The following DPF3 variants were observed in gnomAD, a reference collection of about 807,000 sequenced individuals.
DPF3 encodes double PHD fingers 3.
A neutral mutation model predicts 56.8 loss-of-function variants in DPF3; 18 were observed. That is an observed-to-expected ratio of 0.32 (90% CI 0.22 to 0.47). DPF3 has a LOEUF of 0.47. Ranked by LOEUF, DPF3 falls within the 20% of genes least tolerant of loss-of-function variation. DPF3 has a pLI of 1.00. For synonymous variants in DPF3, 188 were observed against 180.2 expected (o/e 1.04, Z -0.35); for missense variants, 403 against 488.8 (o/e 0.82, Z 1.65).
intron 6 of DPF3, among the ~76,000 whole-genome samples, chr14:72,703,176 C>T (rs1029259052): frequency 2.6e-5 from 4 of 152,194 alleles, no homozygotes; most frequent in African/African-American, 9.7e-5. Context: ...CCACCCCACC[C>T]TGCACGATTG....
intron 5 of DPF3, among the ~76,000 whole-genome samples, chr14:72,718,483 C>T (rs887713877): frequency 6.6e-6 from 1 of 152,198 alleles, no homozygotes; most frequent in Non-Finnish European, 1.5e-5. Flanking sequence ...CTCTCACAGG[C>T]ATCCAGTGGA....
chr14:72,788,417 A>AGAGGAG (rs757506580), intron 1 of DPF3, among the ~76,000 whole-genome samples: 30 of 151,910 alleles, frequency 2.0e-4, no homozygotes, highest in Non-Finnish European at 3.2e-4. Context: ...AGGAAGGGGA[A>AGAGGAG]GAGGAGGAGG....
chr14:72,753,763 C>T lies in DPF3; in HGVS notation c.194-392G>A, dbSNP rs146224114. Among the ~76,000 whole-genome samples, 525 of 152,264 alleles carry T rather than the reference C, an allele frequency of 3.4e-3. 6 individuals carry two copies. The highest frequency in any genetic ancestry group is 0.012 in the African/African-American group (493 of 41,552). The stretch of plus-strand genomic sequence containing the variant: ...CAGGTTAAGCAGGTTCCCTTCAAAA[C>T]GGAGCAGCAGTCAGTTGGCCTACTG... On this transcript the variant is annotated intron_variant, in intron 2 of 10. Coordinates refer to ENST00000556509, the MANE Select transcript of DPF3 (RefSeq NM_001280542.3).
At chr14:72,692,815 T>C (rs994608782) in intron 7 of DPF3, among the ~76,000 whole-genome samples, 10 of 152,174 alleles carry the variant, frequency 6.6e-5, no homozygotes, top group Non-Finnish European at 1.5e-4. Flanking sequence ...GGACTTTCTC[T>C]TCTGCTTAAC....
At chr14:72,688,315 GT>G (rs544261862) in intron 7 of DPF3, among the ~76,000 whole-genome samples, 1 of 120,846 alleles carries the variant, frequency 8.3e-6, no homozygotes, top group Non-Finnish European at 1.7e-5. Flanking sequence ...GGGTGGGTGG[GT>G]GGGTGGGTGG....
At chr14:72,846,007 C>G (rs955470597) in intron 1 of DPF3, among the ~76,000 whole-genome samples, 2 of 152,218 alleles carry the variant, frequency 1.3e-5, no homozygotes, top group African/African-American at 4.8e-5. Flanking sequence ...TAAAATTCTC[C>G]CCAGCTCCCT....
intron 1 of DPF3, among the ~76,000 whole-genome samples, chr14:72,874,043 G>A (rs376908580): frequency 6.8e-6 from 1 of 146,180 alleles, no homozygotes; most frequent in East Asian, 2.0e-4. Flanking sequence ...TGCATGTTGT[G>A]CACATGTACC....
At chr14:72,885,355 C>T (rs1380403415) in intron 1 of DPF3, among the ~76,000 whole-genome samples, 1 of 144,210 alleles carries the variant, frequency 6.9e-6, no homozygotes, top group East Asian at 2.1e-4. Flanking sequence ...AGAAATGTAG[C>T]CGCTAATTTT....
intron 1 of DPF3, among the ~76,000 whole-genome samples, chr14:72,788,043 CT>C (rs2051059390): frequency 6.6e-6 from 1 of 152,214 alleles, no homozygotes; most frequent in Non-Finnish European, 1.5e-5. Flanking sequence ...CAACAGGTGC[CT>C]AACTGCCTGG....
At chr14:72,619,834 G>A in intron 10 of DPF3, 69 bp downstream of exon 10, 1 of 1,388,828 alleles carries the variant, frequency 7.2e-7, no homozygotes, top group South Asian at 1.4e-5. Flanking sequence ...GTACCATAGT[G>A]AGAGCTCAGT....
intron 8 of DPF3, among the ~76,000 whole-genome samples, chr14:72,659,588 G>A (rs1005103453): frequency 1.3e-5 from 2 of 152,112 alleles, no homozygotes; most frequent in Non-Finnish European, 2.9e-5. Context: ...AAGAAAGCCC[G>A]AGTCATGAGG....
At chr14:72,806,948 A>C (rs1030946432) in intron 1 of DPF3, 1 of 152,218 alleles carries the variant, frequency 6.6e-6, no homozygotes, top group Non-Finnish European at 1.5e-5. Flanking sequence ...TGGAAACCTC[A>C]TCTCTGCCCC....
chr14:72,863,108 G>GTGTGTGTGTA (rs1885512254), intron 1 of DPF3, among the ~76,000 whole-genome samples: 1 of 134,294 alleles, frequency 7.4e-6, no homozygotes, highest in Non-Finnish European at 1.6e-5. Context: ...ATATGTGTGT[G>GTGTGTGTGTA]TATACATATA....
At chr14:72,801,739 G>T (rs1892900209) in intron 1 of DPF3, among the ~76,000 whole-genome samples, 1 of 152,148 alleles carries the variant, frequency 6.6e-6, no homozygotes, top group Non-Finnish European at 1.5e-5. Context: ...ACTAAATGGT[G>T]CCTGGACAAG....
intron 3 of DPF3, among the ~76,000 whole-genome samples, chr14:72,732,338 C>T (rs139337734): frequency 2.4e-4 from 36 of 152,294 alleles, no homozygotes; most frequent in East Asian, 9.7e-4. Context: ...TGTTCATTTG[C>T]GGGAAAGTGT....
intron 6 of DPF3, among the ~76,000 whole-genome samples, chr14:72,701,464 T>G (rs543874173): frequency 6.6e-6 from 1 of 152,346 alleles, no homozygotes; most frequent in South Asian, 2.1e-4. Flanking sequence ...TCTGGAGTTA[T>G]GGATGCCTTC....
intron 1 of DPF3, among the ~76,000 whole-genome samples, chr14:72,791,239 G>GAA (rs1188168534): frequency 1.3e-5 from 2 of 152,152 alleles, no homozygotes; most frequent in African/African-American, 2.4e-5. Flanking sequence ...ACTTCGTGTG[G>GAA]AGCTGCTGCT....
chr14:72,702,898 G>A (rs531459051), intron 6 of DPF3, among the ~76,000 whole-genome samples: 1 of 151,666 alleles, frequency 6.6e-6, no homozygotes, highest in East Asian at 1.9e-4. Flanking sequence ...TGCCCTTGAA[G>A]TTCGAGGCCA....
At chr14:72,672,617 C>A (rs1886737694) in intron 8 of DPF3, among the ~76,000 whole-genome samples, 1 of 152,198 alleles carries the variant, frequency 6.6e-6, no homozygotes, top group Non-Finnish European at 1.5e-5. Context: ...CAGACAGAAC[C>A]TTGGAGGGAA....
Sources: allele counts gnomAD v4.1 joint callset (sites outside exome capture counted in the v4.1 genomes callset), GRCh38; gene constraint gnomAD v4.1.1; transcripts MANE v1.5; gene names NCBI Gene and HGNC (gene_info 2026-07-23, HGNC 2026-07-21).